NRXN3: variants seen among roughly 807,000 people sequenced by gnomAD.
NRXN3 encodes neurexin III.
NRXN3 carries 32 observed loss-of-function variants against 137.6 expected under a neutral mutation model. The ratio of observed to expected loss-of-function variants is 0.23; its 90% CI spans 0.18 to 0.31. The LOEUF (loss-of-function observed/expected upper bound fraction) is 0.31. NRXN3 is among the 10% of genes least tolerant of loss of function. NRXN3 has a pLI of 1.00. For synonymous variants in NRXN3, 798 were observed against 784.5 expected (o/e 1.02, Z -0.29); for missense variants, 1,574 against 2,062.5 (o/e 0.76, Z 4.59).
At position 79,085,756 on chromosome 14, in the gene NRXN3, G is replaced by T. The variant is rs561817665; in HGVS notation, c.3262+97615G>T. 1.1e-4 allele frequency among the ~76,000 whole-genome samples: 16 copies of T among 152,246 alleles called. 1 individual carries two copies. In the South Asian group the frequency reaches 2.3e-3, roughly 22 times the overall value. ...AGAGAGGGAAAAAGTCTGAATGCAA[G>T]ACTATTGAAATAAGTGAGTAACACA... On this transcript the variant is annotated intron_variant, in intron 15 of 20. Coordinates refer to ENST00000335750, the MANE Select transcript of NRXN3 (RefSeq NM_001330195.2).
At chr14:79,199,281 C>T (rs1249950101) in intron 15 of NRXN3, among the ~76,000 whole-genome samples, 1 of 151,808 alleles carries the variant, frequency 6.6e-6, no homozygotes, top group Admixed American at 6.6e-5. Context: ...TTACCTTATT[C>T]ATTTCCTCTC....
intron 4 of NRXN3, among the ~76,000 whole-genome samples, chr14:78,425,608 C>G (rs145411631): frequency 3.3e-5 from 5 of 152,146 alleles, no homozygotes; most frequent in African/African-American, 1.2e-4. Context: ...TCTTCTTACC[C>G]TGAATGGAGA....
intron 16 of NRXN3, among the ~76,000 whole-genome samples, chr14:79,528,651 T>A (rs2097142847): frequency 1.2e-5 from 1 of 80,488 alleles, no homozygotes; most frequent in Non-Finnish European, 2.6e-5. Context: ...TTCTAAAATG[T>A]GTATGGTAAA....
At chr14:78,928,060 C>A (rs1433808993) in intron 10 of NRXN3, among the ~76,000 whole-genome samples, 1 of 152,182 alleles carries the variant, frequency 6.6e-6, no homozygotes, top group Non-Finnish European at 1.5e-5. Context: ...CTCTCAGAGG[C>A]TCCCTGGTGG....
chr14:78,345,931 G>A (rs2082683804), intron 4 of NRXN3, among the ~76,000 whole-genome samples: 1 of 152,178 alleles, frequency 6.6e-6, no homozygotes, highest in Admixed American at 6.5e-5. Context: ...ACCTACTCTA[G>A]CTCTGAAGGG....
intron 15 of NRXN3, among the ~76,000 whole-genome samples, chr14:79,088,546 A>AT (rs1338582229): frequency 7.1e-6 from 1 of 139,972 alleles, no homozygotes; most frequent in African/African-American, 3.3e-5. Context: ...TCCTTAAGAA[A>AT]AACAAATTTC....
At chr14:78,605,095 AT>A (rs879773335) in intron 4 of NRXN3, among the ~76,000 whole-genome samples, 1 of 152,062 alleles carries the variant, frequency 6.6e-6, no homozygotes, top group South Asian at 2.1e-4. Context: ...AAGGATTTCG[AT>A]TTTTTTTCCC....
intron 2 of NRXN3, among the ~76,000 whole-genome samples, chr14:78,246,042 G>A (rs1018034658): frequency 1.3e-5 from 2 of 152,260 alleles, no homozygotes; most frequent in East Asian, 1.9e-4. Context: ...TTTCTCATTC[G>A]CCCAAAGGAT....
At position 78,268,592 on chromosome 14, in the gene NRXN3, A is replaced by T. The variant is rs573369909; in HGVS notation, c.710-10053A>T. 2.6e-5 allele frequency among the ~76,000 whole-genome samples: 4 copies of T among 152,282 alleles called. No homozygotes were observed. In the South Asian group the frequency reaches 6.2e-4, roughly 24 times the overall value. On this transcript the variant is annotated intron_variant, in intron 2 of 20. Coordinates refer to ENST00000335750, the MANE Select transcript of NRXN3 (RefSeq NM_001330195.2). ...TGGTGAGACCAGTAAGGGAAGAAAT[A>T]TTTGTGGATGGAAGTATGGTACTGT...
At chr14:79,070,940 C>T (rs1405610446) in intron 15 of NRXN3, among the ~76,000 whole-genome samples, 8 of 152,116 alleles carry the variant, frequency 5.3e-5, no homozygotes, top group East Asian at 1.9e-4. Context: ...CGCAGTTTAA[C>T]GATGTAGCCG....
intron 6 of NRXN3, among the ~76,000 whole-genome samples, chr14:78,660,685 T>G (rs2097832209): frequency 6.6e-6 from 1 of 152,164 alleles, no homozygotes; most frequent in Admixed American, 6.5e-5. Context: ...CTTAGTGACA[T>G]TTTTGAAGGC....
intron 20 of NRXN3, among the ~76,000 whole-genome samples, chr14:79,824,109 A>G (rs895635241): frequency 3.9e-5 from 6 of 152,208 alleles, no homozygotes; most frequent in African/African-American, 9.6e-5. Flanking sequence ...TTAATGCCTG[A>G]ACAGTTCTCA....
At chr14:78,190,165 T>C (rs2153371831) in intron 1 of NRXN3, among the ~76,000 whole-genome samples, 1 of 152,326 alleles carries the variant, frequency 6.6e-6, no homozygotes, top group East Asian at 1.9e-4. Context: ...AGGCACATTG[T>C]TACATTGGGC....
chr14:78,363,726 C>A (rs904367908), intron 4 of NRXN3, among the ~76,000 whole-genome samples: 2 of 152,176 alleles, frequency 1.3e-5, no homozygotes, highest in Non-Finnish European at 2.9e-5. Context: ...TTCCATGCAT[C>A]CACTGTGAAC....
At chr14:78,257,382 T>C (rs1473452035) in intron 2 of NRXN3, among the ~76,000 whole-genome samples, 1 of 152,234 alleles carries the variant, frequency 6.6e-6, no homozygotes, top group East Asian at 1.9e-4. Flanking sequence ...GTTGGGAAGC[T>C]TGTCAGGCAA....
At chr14:78,743,120 C>G (rs1051295563) in intron 8 of NRXN3, among the ~76,000 whole-genome samples, 2 of 152,200 alleles carry the variant, frequency 1.3e-5, no homozygotes, top group Non-Finnish European at 2.9e-5. Context: ...AAAGATTTGA[C>G]TATAAATCCT....
At chr14:79,670,451 G>A (rs1433216339) in intron 17 of NRXN3, among the ~76,000 whole-genome samples, 5 of 152,014 alleles carry the variant, frequency 3.3e-5, no homozygotes, top group Non-Finnish European at 5.9e-5. Flanking sequence ...TCCCGCTGTC[G>A]AGAAGTTTCT....
intron 1 of NRXN3, among the ~76,000 whole-genome samples, chr14:78,203,837 T>G (rs146468485): frequency 1.3e-5 from 1 of 77,912 alleles, no homozygotes; most frequent in Admixed American, 1.3e-4. Flanking sequence ...TGTGTGTGTG[T>G]GGTTTGTGTG....
At chr14:79,390,274 G>A (rs924079371) in intron 15 of NRXN3, among the ~76,000 whole-genome samples, 21 of 145,390 alleles carry the variant, frequency 1.4e-4, no homozygotes, top group Non-Finnish European at 3.1e-4. Context: ...TAGAGATCGC[G>A]CCACTGCACT....
Sources: allele counts gnomAD v4.1 joint callset (sites outside exome capture counted in the v4.1 genomes callset), GRCh38; gene constraint gnomAD v4.1.1; transcripts MANE v1.5; gene names NCBI Gene and HGNC (gene_info 2026-07-23, HGNC 2026-07-21).